Variants in MYO7A observed in about 807,000 individuals in gnomAD.
MYO7A encodes the protein unconventional myosin-VIIa.
In MYO7A, 210 loss-of-function variants were observed where a neutral mutation model predicts 263.8. The ratio of observed to expected loss-of-function variants is 0.80; its 90% CI spans 0.71 to 0.89. The LOEUF (loss-of-function observed/expected upper bound fraction) is 0.89. Ranked by LOEUF, MYO7A falls within the 40% of genes least tolerant of loss-of-function variation. The pLI, the probability that MYO7A is intolerant of heterozygous loss-of-function variation, is 0.00. For synonymous variants in MYO7A, 1,239 were observed against 1,197.3 expected, an observed-to-expected ratio of 1.03 and a Z score of -0.72; for missense variants, 2,820 against 2,968.3, an observed-to-expected ratio of 0.95 and a Z score of 1.16.
At chr11:77,160,141 C>G (rs1555067379) in intron 10 of MYO7A, 22 bp from the exon 11 acceptor site, 1 of 1,545,412 alleles carries the variant, frequency 6.5e-7, no homozygotes, top group South Asian at 1.2e-5. Context: ...CAGGTGAGCA[C>G]CTGGGGTGTT....
chr11:77,139,824 C>T (rs1951097154), intron 2 of MYO7A, among the ~76,000 whole-genome samples: 1 of 152,120 alleles, frequency 6.6e-6, no homozygotes, highest in Non-Finnish European at 1.5e-5. Flanking sequence ...TCTCTTTGGC[C>T]CTCAGTTTCC....
At chr11:77,172,917 G>T in intron 16 of MYO7A, 32 bp downstream of exon 16, 4 of 1,534,876 alleles carry the variant, frequency 2.6e-6, no homozygotes, top group Non-Finnish European at 3.5e-6. Context: ...TTGGCGGGTG[G>T]CGGCTAGGGT....
rs1555084859 is a variant in MYO7A at position 77,181,999 on chromosome 11, G to A, written c.2953G>A (p.Ala985Thr). Residue 985 changes from alanine to threonine, a missense_variant, in exon 24 of 49, where the codon GCC (alanine) becomes ACC (threonine). Physicochemically the swap from Ala to Thr is moderately conservative, Grantham distance 58 (BLOSUM62 0). Coordinates refer to ENST00000409709, the MANE Select transcript of MYO7A (RefSeq NM_000260.4). ...GATGGTGGAGGAGGACCTGGATGCAGCCCTGCCCCTGCCTGACGAGGATGA... is the reference window on the plus strand; with the variant it reads ...GATGGTGGAGGAGGACCTGGATGCAACCCTGCCCCTGCCTGACGAGGATGA... ...REMVEEDLDA[A>T]LPLPDEDEED... 1 of 1,613,238 alleles carries A rather than the reference G, an allele frequency of 6.2e-7. No individual in the cohort carries two copies. Among genetic ancestry groups the A allele is most frequent in the African/African-American group, 1.3e-5 (1 of 74,844 alleles).
chr11:77,157,078 C>T (rs1409951933), intron 7 of MYO7A, 74 bp downstream of exon 7: 12 of 1,557,538 alleles, frequency 7.7e-6, no homozygotes, highest in South Asian at 2.4e-5. Flanking sequence ...CCCACCTGCC[C>T]GTATTGCTGC....
intron 41 of MYO7A, chr11:77,206,992 C>A: frequency 3.6e-6 from 1 of 276,478 alleles, no homozygotes. Context: ...AATCACCCTT[C>A]CAGTCATCCT....
chr11:77,181,789 T>TG (rs1313121803), intron 23 of MYO7A, among the ~76,000 whole-genome samples, 162 bp from the exon 24 acceptor site: 13 of 120,080 alleles, frequency 1.1e-4, no homozygotes, highest in South Asian at 3.0e-4. Flanking sequence ...GTTTTTTTTT[T>TG]TTTTTTTTTT....
At chr11:77,212,039 C>T (rs762118326) in intron 46 of MYO7A, 102 bp downstream of exon 46, 6 of 987,582 alleles carry the variant, frequency 6.1e-6, no homozygotes, top group Admixed American at 5.9e-5. Flanking sequence ...TGGCCTTGGA[C>T]ACCTGCCCTG....
At chr11:77,192,365 A>G (rs1956159430) in intron 31 of MYO7A, 87 bp downstream of exon 31, 1 of 1,366,740 alleles carries the variant, frequency 7.3e-7, no homozygotes, top group Non-Finnish European at 1.0e-6. Flanking sequence ...TCTGTGAGCC[A>G]TCATTAGCTC....
At chr11:77,188,283 T>C (rs932618608) in intron 27 of MYO7A, among the ~76,000 whole-genome samples, 2 of 152,222 alleles carry the variant, frequency 1.3e-5, no homozygotes, top group Non-Finnish European at 2.9e-5. Flanking sequence ...CTTGTTTTCT[T>C]TAAAGGACTG....
At chr11:77,184,754 C>T in intron 27 of MYO7A, 39 bp downstream of exon 27, 1 of 1,583,562 alleles carries the variant, frequency 6.3e-7, no homozygotes, top group Non-Finnish European at 8.6e-7. Context: ...GCCTGAAAGT[C>T]TTTTGGTGGC....
rs373147966 is a variant in MYO7A, at chr11:77,189,367, G to A, written c.3527G>A (p.Ser1176Asn). The A allele has an allele frequency of 3.6e-5, 58 of 1,613,662 alleles. No individual in the cohort carries two copies. The African/African-American group carries it at 5.9e-4, about 16-fold the overall frequency. The change falls in exon 28 of 49, where the codon AGC becomes AAC. Residue 1176 changes from serine to asparagine, a missense_variant. Physicochemically the swap from Ser to Asn is conservative, Grantham distance 46. Coordinates refer to ENST00000409709, the MANE Select transcript of MYO7A (RefSeq NM_000260.4). ...ALRDEIYCQI[S>N]KQLTHNPSKS... The stretch of plus-strand genomic sequence containing the variant: ...AGGGACGAGATCTACTGCCAGATCA[G>A]CAAGCAGCTGACCCACAACCCCTCC...
In MYO7A at chr11:77,190,002, C is replaced by G; in HGVS notation, c.3631-18C>G. ...TGGGGAGCCCCAGGGGCCGCCTCAG[C>G]GGGTACTCTGGCTGCAGTACCTGCG... On this transcript the variant is annotated intron_variant, in intron 28 of 48. Transcript: ENST00000409709. 6.6e-7 allele frequency: 1 copy of G among 1,520,768 alleles called. No homozygotes were observed. The highest frequency in any genetic ancestry group is 8.8e-7 in the Non-Finnish European group (1 of 1,130,466). 94.2% of individuals were successfully genotyped at this position (1,520,768 alleles called of 1,614,324 possible). A position where few individuals can be genotyped will look rare whatever the true frequency, so the allele number is the denominator to read the frequency against.
At chr11:77,160,364 G>A in intron 11 of MYO7A, 82 bp downstream of exon 11, 1 of 1,497,352 alleles carries the variant, frequency 6.7e-7, no homozygotes, top group South Asian at 1.3e-5. Context: ...AAGGAGTCCT[G>A]GGAGGTGGGT....
intron 2 of MYO7A, among the ~76,000 whole-genome samples, chr11:77,136,541 T>C: frequency 6.6e-6 from 1 of 152,078 alleles, no homozygotes; most frequent in East Asian, 1.9e-4. Flanking sequence ...GGATGCCCTT[T>C]CCCCTAATGT....
At chr11:77,155,356 T>C (rs577944656) in intron 4 of MYO7A, among the ~76,000 whole-genome samples, 47 of 152,316 alleles carry the variant, frequency 3.1e-4, no homozygotes, top group African/African-American at 1.0e-3. Context: ...CATCTCCCTC[T>C]GTCCTGGGGC....
At chr11:77,210,274 C>T (rs570533124) in intron 44 of MYO7A, among the ~76,000 whole-genome samples, 1 of 152,266 alleles carries the variant, frequency 6.6e-6, no homozygotes, top group African/African-American at 2.4e-5. Context: ...TCAATGCATG[C>T]TTGTTGGATT....
chr11:77,188,961 C>T lies in MYO7A; in HGVS notation c.3504-383C>T, dbSNP rs115184164. On this transcript the variant is annotated intron_variant, in intron 27 of 48. Coordinates refer to ENST00000409709, the MANE Select transcript of MYO7A (RefSeq NM_000260.4). ...TGACTATGGGCTGGGATCAGAGAGG[C>T]GAACTCACCTGCCTGGGCCACCAGC... is the stretch of plus-strand genomic sequence containing the variant. Among the ~76,000 whole-genome samples, 1,035 of 152,230 alleles carry T rather than the reference C, an allele frequency of 6.8e-3. 14 individuals carry two copies. Among genetic ancestry groups the T allele is most frequent in the African/African-American group, 0.024 (986 of 41,536 alleles).
chr11:77,141,012 G>A (rs1198151755), intron 2 of MYO7A, among the ~76,000 whole-genome samples: 1 of 152,132 alleles, frequency 6.6e-6, no homozygotes, highest in Non-Finnish European at 1.5e-5. Context: ...GTTTAGATAT[G>A]TTTACATACA....
In MYO7A at chr11:77,162,966, C is replaced by T; in HGVS notation, c.1668C>T (p.Gly556=). The change falls in exon 14 of 49, where the codon GGC becomes GGT. Residue 556 remains glycine, a synonymous_variant. Coordinates refer to ENST00000409709, the MANE Select transcript of MYO7A (RefSeq NM_000260.4). ...ETQFGINHFA[G]IVYYETQGFL... ...AGTTTGGCATCAACCATTTTGCAGG[C>T]ATCGTCTACTATGAGACCCAAGGTA... 1 of 1,613,910 alleles carries T rather than the reference C, an allele frequency of 6.2e-7. No individual in the cohort carries two copies. The highest frequency in any genetic ancestry group is 1.1e-5 in the South Asian group (1 of 91,062).
Sources: allele counts gnomAD v4.1 joint callset (sites outside exome capture counted in the v4.1 genomes callset), GRCh38; gene constraint gnomAD v4.1.1; transcripts MANE v1.5; gene names NCBI Gene and HGNC (gene_info 2026-07-23, HGNC 2026-07-21).